Variants in BMERB1 observed in about 807,000 individuals in gnomAD.
The protein encoded by BMERB1 is bMERB domain-containing protein 1.
Under a neutral mutation model 23.6 loss-of-function variants are expected in BMERB1, and 12 were observed. That is an observed-to-expected ratio of 0.51 (90% CI 0.33 to 0.82). The LOEUF is 0.82. Ranked by LOEUF, BMERB1 falls within the 40% of genes least tolerant of loss-of-function variation. The pLI is 0.03. For synonymous variants in BMERB1, 122 were observed against 96.6 expected, an observed-to-expected ratio of 1.26 and a Z score of -1.54; for missense variants, 247 against 255.4, an observed-to-expected ratio of 0.97 and a Z score of 0.22.
At position 15,587,898 on chromosome 16, in the gene BMERB1, A is replaced by G. The variant is rs2031193080; in HGVS notation, c.*1069A>G. The G allele has an allele frequency of 6.4e-6, 1 of 155,632 alleles. No individual in the cohort carries two copies. Among genetic ancestry groups the G allele is most frequent in the South Asian group, 1.8e-4 (1 of 5,708 alleles). 9.6% of individuals were successfully genotyped at this position (155,632 alleles called of 1,614,324 possible). ...GTCGTGACCAGCCTAAGTAGTTAGCATAACTCAAGATGCTGATGTGCAGTC... is the reference window on the plus strand; with the variant it reads ...GTCGTGACCAGCCTAAGTAGTTAGCGTAACTCAAGATGCTGATGTGCAGTC... On this transcript the variant is annotated 3_prime_UTR_variant, in exon 6 of 6. Transcript: ENST00000300006.
chr16:15,499,471 C>A (rs2051506107), intron 1 of BMERB1, among the ~76,000 whole-genome samples: 1 of 152,044 alleles, frequency 6.6e-6, no homozygotes, highest in Non-Finnish European at 1.5e-5. Context: ...TTTGTCATTT[C>A]TTTGTACTTG....
chr16:15,569,341 T>C (rs576674434), intron 3 of BMERB1, among the ~76,000 whole-genome samples: 2 of 152,272 alleles, frequency 1.3e-5, no homozygotes, highest in African/African-American at 4.8e-5. Context: ...CTCAGGAAAC[T>C]TATAATCATG....
rs530150148 is a variant in BMERB1 at position 15,489,960 on chromosome 16, G to A, written c.107-25345G>A. Among the ~76,000 whole-genome samples, 30 of 151,924 alleles carry A rather than the reference G, an allele frequency of 2.0e-4. No homozygotes were observed. The South Asian group carries it at 5.6e-3, about 28-fold the overall frequency. On this transcript the variant is annotated intron_variant, in intron 1 of 5. Coordinates refer to ENST00000300006, the MANE Select transcript of BMERB1 (RefSeq NM_033201.3). ...CGGCTGGCTGCAAGCTACGCCTCCC[G>A]GGTTCACGCCATTCTCCTGCCTCAG...
At chr16:15,560,084 TAG>T (rs372299871) in intron 2 of BMERB1, among the ~76,000 whole-genome samples, 44 of 148,674 alleles carry the variant, frequency 3.0e-4, no homozygotes, top group Non-Finnish European at 3.4e-4. Flanking sequence ...GTGGAGGAGG[TAG>T]AGAGAGAGAG....
intron 1 of BMERB1, among the ~76,000 whole-genome samples, chr16:15,490,132 G>C (rs1183980574): frequency 6.6e-6 from 1 of 152,044 alleles, no homozygotes; most frequent in African/African-American, 2.4e-5. Flanking sequence ...CCCAAGTGCT[G>C]GGATTACAGG....
chr16:15,470,520 T>A (rs1405331468), intron 1 of BMERB1, among the ~76,000 whole-genome samples: 1 of 130,754 alleles, frequency 7.6e-6, no homozygotes, highest in Non-Finnish European at 1.7e-5. Context: ...TGTTCCTTTT[T>A]CTTTCTTTCT....
At chr16:15,529,682 G>A (rs1286508986) in intron 2 of BMERB1, among the ~76,000 whole-genome samples, 1 of 152,226 alleles carries the variant, frequency 6.6e-6, no homozygotes, top group East Asian at 1.9e-4. Flanking sequence ...TTGATTGAAT[G>A]AATTAATGAG....
At position 15,581,314 on chromosome 16, in the gene BMERB1, G is replaced by C. The variant is rs145141186; in HGVS notation, c.402G>C (p.Ala134=). The C allele has an allele frequency of 3.7e-6, 6 of 1,613,966 alleles. No individual in the cohort carries two copies. The highest frequency in any genetic ancestry group is 3.4e-6 in the Non-Finnish European group (4 of 1,179,950). ...AGAGAGACTTCCTGGTGGACGATGCGGAGGTCGAGCGGTTAAGGTGAGTGC... is the reference window on the plus strand; with the variant it reads ...AGAGAGACTTCCTGGTGGACGATGCCGAGGTCGAGCGGTTAAGGTGAGTGC... ...VQKRDFLVDD[A]EVERLREQEE... is the part of the protein sequence containing the mutation. Residue 134 remains alanine (A), a synonymous_variant, in exon 4 of 6, where the codon GCG becomes GCC. Coordinates refer to ENST00000300006, the MANE Select transcript of BMERB1 (RefSeq NM_033201.3).
intron 3 of BMERB1, among the ~76,000 whole-genome samples, chr16:15,579,344 C>G (rs191631979): frequency 6.6e-6 from 1 of 152,074 alleles, no homozygotes; most frequent in South Asian, 2.1e-4. Flanking sequence ...AGATTTACCA[C>G]GGCAGGAGCA....
intron 1 of BMERB1, among the ~76,000 whole-genome samples, chr16:15,506,535 C>T (rs1474522910): frequency 6.6e-6 from 1 of 152,140 alleles, no homozygotes; most frequent in African/African-American, 2.4e-5. Flanking sequence ...TCTCAAGAAA[C>T]TGACCTCTCG....
At position 15,545,224 on chromosome 16, in the gene BMERB1, C is replaced by T. The variant is rs188022024; in HGVS notation, c.231-22759C>T. ...CTGACCTCAAGTGATCCACCTGCCT[C>T]GGCCTCCCAAAGTGCTAGGATTACA... On this transcript the variant is annotated intron_variant, in intron 2 of 5. Coordinates refer to ENST00000300006, the MANE Select transcript of BMERB1 (RefSeq NM_033201.3). 9.7e-3 allele frequency among the ~76,000 whole-genome samples: 1,471 copies of T among 152,196 alleles called. 12 individuals carry two copies. The highest frequency in any genetic ancestry group is 0.027 in the South Asian group (129 of 4,816).
chr16:15,463,769 A>T (rs956279420), intron 1 of BMERB1, among the ~76,000 whole-genome samples: 7 of 151,980 alleles, frequency 4.6e-5, no homozygotes, highest in African/African-American at 1.7e-4. Context: ...TGTTGACACA[A>T]CTGCCTTAGC....
intron 2 of BMERB1, among the ~76,000 whole-genome samples, chr16:15,549,582 G>C (rs1325568984): frequency 6.6e-6 from 1 of 151,880 alleles, no homozygotes; most frequent in Non-Finnish European, 1.5e-5. Context: ...AGGAGGCTGA[G>C]GCAGGAGAAT....
intron 2 of BMERB1, among the ~76,000 whole-genome samples, chr16:15,562,831 C>T (rs1410053169): frequency 2.0e-5 from 3 of 152,328 alleles, no homozygotes; most frequent in Non-Finnish European, 4.4e-5. Context: ...GGCAAGTCCA[C>T]GCTCATTCGA....
At chr16:15,515,571 A>G in intron 2 of BMERB1, 143 bp downstream of exon 2, 1 of 1,214,678 alleles carries the variant, frequency 8.2e-7, no homozygotes. Context: ...GATTCTCACC[A>G]CCACCCAGGG....
chr16:15,539,308 G>C (rs993910441), intron 2 of BMERB1, among the ~76,000 whole-genome samples: 2 of 152,128 alleles, frequency 1.3e-5, no homozygotes, highest in Non-Finnish European at 2.9e-5. Context: ...TCTGACAGGA[G>C]GGGGAGCTCA....
At chr16:15,465,570 C>G (rs973081542) in intron 1 of BMERB1, among the ~76,000 whole-genome samples, 7 of 152,064 alleles carry the variant, frequency 4.6e-5, no homozygotes, top group African/African-American at 1.7e-4. Context: ...CCAGGCTGGT[C>G]TCAAACTCCT....
chr16:15,536,288 T>A (rs2052023936), intron 2 of BMERB1, among the ~76,000 whole-genome samples: 1 of 152,094 alleles, frequency 6.6e-6, no homozygotes, highest in African/African-American at 2.4e-5. Flanking sequence ...CCGCTGGGCC[T>A]GCTGACCAAC....
chr16:15,464,485 A>C (rs153808), intron 1 of BMERB1, among the ~76,000 whole-genome samples: 1 of 151,826 alleles, frequency 6.6e-6, no homozygotes, highest in African/African-American at 2.4e-5. Context: ...GAAACTAAAA[A>C]AATGGCTTCT....
Sources: gnomAD v4.1 joint callset for allele counts (sites outside exome capture counted in the v4.1 genomes callset) on GRCh38, gnomAD v4.1.1 for gene constraint, MANE v1.5 for transcripts, NCBI Gene and HGNC (gene_info 2026-07-23, HGNC 2026-07-21) for gene names.